The following OTOL1 variants were observed in gnomAD, a reference collection of about 807,000 sequenced individuals.
OTOL1 encodes otolin 1.
A neutral mutation model predicts 25.0 loss-of-function variants in OTOL1; 31 were observed. The ratio of observed to expected loss-of-function variants is 1.24; its 90% confidence interval spans 0.93 to 1.67. OTOL1 has a LOEUF of 1.67. Ranked by LOEUF, OTOL1 falls within the 40% of genes most tolerant of loss-of-function variation. The pLI is 0.00. For missense variants in OTOL1, 654 were observed against 587.7 expected (o/e 1.11, Z -1.17); for synonymous variants, 225 against 210.3 (o/e 1.07, Z -0.61).
chr3:161,501,683 T>C (rs1243186472), intron 2 of OTOL1, among the ~76,000 whole-genome samples: 2 of 151,960 alleles, frequency 1.3e-5, no homozygotes, highest in African/African-American at 4.8e-5. Flanking sequence ...TTTAACTTTA[T>C]TCAAAATTCA....
Position 161,496,930 on chromosome 3 carries a change from A to G in OTOL1, c.123A>G (p.Pro41=). The stretch of plus-strand genomic sequence containing the variant: ...AGAAATCTGAGGAAAGAGAGATGCC[A>G]AAGGGTCTAAAGCCATCCAGTGGCC... ...FTKKSEEREM[P]KGLKPSSGPP... Residue 41 remains proline, a synonymous_variant, in exon 1 of 4, where the codon CCA becomes CCG. Coordinates refer to ENST00000327928, the MANE Select transcript of OTOL1 (RefSeq NM_001080440.1). 1 of 1,613,520 alleles carries G rather than the reference A, an allele frequency of 6.2e-7. No individual in the cohort carries two copies. The highest frequency in any genetic ancestry group is 1.7e-5 in the Admixed American group (1 of 59,848).
In OTOL1 at chr3:161,503,363, C is replaced by G; in HGVS notation, c.855C>G (p.Ala285=). Reference sequence around the variant, plus strand: ...GCGGCCGTAATGGTCTGCCTGGGGCCAAAGGTGATCCAGGGATTAAAGGAG... The same window carrying G: ...GCGGCCGTAATGGTCTGCCTGGGGCGAAAGGTGATCCAGGGATTAAAGGAG... ...GKSGRNGLPG[A]KGDPGIKGEK... The change falls in exon 4 of 4, where the codon GCC becomes GCG. Residue 285 remains alanine (A), a synonymous_variant. Coordinates refer to ENST00000327928, the MANE Select transcript of OTOL1 (RefSeq NM_001080440.1). 1 of 1,603,904 alleles carries G rather than the reference C, an allele frequency of 6.2e-7. No individual in the cohort carries two copies. Among genetic ancestry groups the G allele is most frequent in the Non-Finnish European group, 8.5e-7 (1 of 1,175,282 alleles).
rs1718853226 is a variant in OTOL1, at chr3:161,497,128, T to C, written c.321T>C (p.Pro107=). ...FFLNCCDCCS[P]VPGQKGEPGE... ...TGAATTGTTGTGATTGTTGTTCACC[T>C]GTACCCGGGCAGAAAGGAGAACCTG... The change falls in exon 1 of 4, where the codon CCT becomes CCC. Residue 107 remains proline, a synonymous_variant. Transcript: ENST00000327928. 3.7e-6 allele frequency: 6 copies of C among 1,613,526 alleles called. No homozygotes were observed. The highest frequency in any genetic ancestry group is 2.7e-5 in the African/African-American group (2 of 75,016).
chr3:161,499,171 GTCC>G lies in OTOL1; in HGVS notation c.367_369del (p.Pro123del), dbSNP rs759049088. The stretch of plus-strand genomic sequence containing the variant: ...GATGTATTTAAAATCCCATTTCTAG[GTCC>G]TAAAGGAGAGGCTGGAAATTTGGGG... On this transcript the variant is annotated inframe_deletion and splice_region_variant, in exon 2 of 4. Transcript: ENST00000327928. 2 of 1,605,964 alleles carry G rather than the reference GTCC, an allele frequency of 1.2e-6. No individual in the cohort carries two copies. Among genetic ancestry groups the G allele is most frequent in the Non-Finnish European group, 1.7e-6 (2 of 1,175,680 alleles).
Position 161,496,903 on chromosome 3 carries a change from G to A in OTOL1, c.96G>A (p.Thr32=), listed in dbSNP as rs376103439. The part of the protein sequence containing the change: ...IAKTTPHTKF[T]KKSEEREMPK... ...AGACCACACCACATACCAAATTTAC[G>A]AAGAAATCTGAGGAAAGAGAGATGC... Residue 32 remains threonine (T), a synonymous_variant, in exon 1 of 4, where the codon ACG becomes ACA. Transcript: ENST00000327928. 5 of 1,613,052 alleles carry A rather than the reference G, an allele frequency of 3.1e-6. No individual in the cohort carries two copies. The highest frequency in any genetic ancestry group is 1.3e-5 in the African/African-American group (1 of 74,864).
intron 2 of OTOL1, among the ~76,000 whole-genome samples, chr3:161,500,349 AG>A (rs1214666826): frequency 1.3e-5 from 2 of 152,232 alleles, no homozygotes; most frequent in African/African-American, 4.8e-5. Context: ...AATAAAGATG[AG>A]TGATGAACCT....
Position 161,503,514 on chromosome 3 carries a change from G to A in OTOL1, c.1006G>A (p.Glu336Lys). ...TCGGGGCTTTAAAGGCTCCAAGGGTGAGTTGGCTAGAGTGCCCCGGTCGGC... is the reference window on the plus strand; with the variant it reads ...TCGGGGCTTTAAAGGCTCCAAGGGTAAGTTGGCTAGAGTGCCCCGGTCGGC... The part of the protein sequence containing the change: ...GSRGFKGSKG[E>K]LARVPRSAFS... The change falls in exon 4 of 4, where the codon GAG becomes AAG. Residue 336 changes from glutamate (E) to lysine (K), a missense_variant. Coordinates refer to ENST00000327928, the MANE Select transcript of OTOL1 (RefSeq NM_001080440.1). The A allele has an allele frequency of 6.2e-7, 1 of 1,613,780 alleles. No homozygotes were observed. The highest frequency in any genetic ancestry group is 8.5e-7 in the Non-Finnish European group (1 of 1,179,830).
chr3:161,501,185 ATG>A (rs1718965885), intron 2 of OTOL1, among the ~76,000 whole-genome samples: 1 of 152,168 alleles, frequency 6.6e-6, no homozygotes, highest in South Asian at 2.1e-4. Flanking sequence ...AACTGATTAA[ATG>A]TGTTCTGCTA....
chr3:161,502,940 G>T (rs1426245363), intron 3 of OTOL1, 86 bp from the exon 4 acceptor site: 3 of 1,075,160 alleles, frequency 2.8e-6, no homozygotes, highest in Admixed American at 3.8e-5. Flanking sequence ...TAGTAGGTTT[G>T]TTTCTACTTT....
At position 161,503,593 on chromosome 3, in the gene OTOL1, T is replaced by C; in HGVS notation, c.1085T>C (p.Phe362Ser). The C allele has an allele frequency of 1.2e-6, 2 of 1,613,820 alleles. No homozygotes were observed. The highest frequency in any genetic ancestry group is 1.7e-6 in the Non-Finnish European group (2 of 1,179,858). ...PFPPPNIPIK[F>S]EKILYNDQGN... is the part of the protein sequence containing the mutation. ...CCTCCTCCTAACATCCCCATCAAAT[T>C]TGAAAAGATTCTCTATAATGACCAA... The change falls in exon 4 of 4, where the codon TTT becomes TCT. Residue 362 changes from phenylalanine (F) to serine (S), a missense_variant. By Grantham distance (155) the Phe-to-Ser change is radical. Coordinates refer to ENST00000327928, the MANE Select transcript of OTOL1 (RefSeq NM_001080440.1).
At chr3:161,501,524 A>G (rs982721028) in intron 2 of OTOL1, among the ~76,000 whole-genome samples, 31 of 150,972 alleles carry the variant, frequency 2.1e-4, no homozygotes, top group African/African-American at 7.1e-4. Flanking sequence ...ATACTTACAT[A>G]GATACTCTAT....
intron 2 of OTOL1, among the ~76,000 whole-genome samples, chr3:161,501,367 A>G (rs1718970499): frequency 6.6e-6 from 1 of 152,090 alleles, no homozygotes; most frequent in Non-Finnish European, 1.5e-5. Context: ...TGTTATGGTA[A>G]TTTATAGTTG....
intron 2 of OTOL1, among the ~76,000 whole-genome samples, chr3:161,500,907 A>T (rs1718959268): frequency 6.6e-6 from 1 of 152,190 alleles, no homozygotes; most frequent in African/African-American, 2.4e-5. Context: ...GTGAAACTGG[A>T]GGGAGTCTAT....
chr3:161,502,904 C>A, intron 3 of OTOL1, 122 bp from the exon 4 acceptor site: 3 of 675,232 alleles, frequency 4.4e-6, no homozygotes, highest in Non-Finnish European at 6.5e-6. Flanking sequence ...ACAGTTTTTA[C>A]TGAGGAAAGA....
chr3:161,502,495 A>G (rs1169610337), intron 3 of OTOL1, 126 bp downstream of exon 3: 1 of 832,750 alleles, frequency 1.2e-6, no homozygotes, highest in South Asian at 1.7e-5. Context: ...TATTCTTCTA[A>G]TAATTCAGTG....
At chr3:161,502,280 A>T in intron 2 of OTOL1, 27 bp from the exon 3 acceptor site, 1 of 1,589,100 alleles carries the variant, frequency 6.3e-7, no homozygotes, top group Non-Finnish European at 8.6e-7. Context: ...TGTAGTTGGT[A>T]AAAAGTTAAT....
chr3:161,503,731 A>G lies in OTOL1; in HGVS notation c.1223A>G (p.Gln408Arg), dbSNP rs1576947696. Residue 408 changes from glutamine to arginine, a missense_variant, in exon 4 of 4, where the codon CAG (glutamine) becomes CGG (arginine). Gln to Arg is a conservative substitution (Grantham distance 43). Coordinates refer to ENST00000327928, the MANE Select transcript of OTOL1 (RefSeq NM_001080440.1). Reference protein sequence around the residue: ...GRPARISLVAQNKKQFKSRET... With the variant: ...GRPARISLVARNKKQFKSRET... ...CCTGCTCGAATCAGTCTGGTGGCCC[A>G]GAATAAGAAGCAGTTCAAGTCCAGA... The G allele has an allele frequency of 1.2e-6, 2 of 1,613,882 alleles. No individual in the cohort carries two copies. The highest frequency in any genetic ancestry group is 1.7e-6 in the Non-Finnish European group (2 of 1,179,848).
rs1473624974 is a variant in OTOL1 at position 161,503,116 on chromosome 3, G to T, written c.608G>T (p.Cys203Phe). Residue 203 changes from cysteine to phenylalanine, a missense_variant, in exon 4 of 4, where the codon TGT (cysteine) becomes TTT (phenylalanine). Coordinates refer to ENST00000327928, the MANE Select transcript of OTOL1 (RefSeq NM_001080440.1). The stretch of plus-strand genomic sequence containing the variant: ...TCCAAGGGAGACACATGTGGGAATT[G>T]TACCAAAGGAGAAAAAGGAGACCAA... ...KGSKGDTCGNCTKGEKGDQGA... is the reference protein window; with the variant it reads ...KGSKGDTCGNFTKGEKGDQGA... The T allele has an allele frequency of 2.1e-6, 3 of 1,443,622 alleles. No individual in the cohort carries two copies. The highest frequency in any genetic ancestry group is 1.6e-5 in the South Asian group (1 of 61,252). 89.4% of individuals were successfully genotyped at this position (1,443,622 alleles called of 1,614,324 possible).
chr3:161,502,940 G>C, intron 3 of OTOL1, 86 bp from the exon 4 acceptor site: 1 of 1,075,160 alleles, frequency 9.3e-7, no homozygotes, highest in Middle Eastern at 2.3e-4. Flanking sequence ...TAGTAGGTTT[G>C]TTTCTACTTT....
Sources: allele counts gnomAD v4.1 joint callset (sites outside exome capture counted in the v4.1 genomes callset), GRCh38; gene constraint gnomAD v4.1.1; transcripts MANE v1.5; gene names NCBI Gene and HGNC (gene_info 2026-07-23, HGNC 2026-07-21).